NMNAT2: variants seen among roughly 807,000 people sequenced by gnomAD.
NMNAT2 encodes nicotinamide/nicotinic acid mononucleotide adenylyltransferase 2.
In NMNAT2, 11 loss-of-function variants were observed where a neutral mutation model predicts 41.6. The ratio of observed to expected loss-of-function variants is 0.26; its 90% CI spans 0.17 to 0.44. The LOEUF (loss-of-function observed/expected upper bound fraction) is 0.44. Ranked by LOEUF, NMNAT2 falls within the 20% of genes least tolerant of loss-of-function variation. NMNAT2 has a pLI of 1.00. For missense variants in NMNAT2, 288 were observed against 407.7 expected, an observed-to-expected ratio of 0.71 and a Z score of 2.53; for synonymous variants, 148 against 151.2, an observed-to-expected ratio of 0.98 and a Z score of 0.16.
rs1486905632 is a variant in NMNAT2, at chr1:183,265,255, CTTCTTTTTTTTTT to C, written c.652-3965_652-3953del. Among the ~76,000 whole-genome samples the C allele has an allele frequency of 3.6e-4, 43 of 118,898 alleles. No homozygotes were observed. In the South Asian group the frequency reaches 0.012, roughly 33 times the overall value. The allele number at this position is 118,898 out of a possible 152,430, so 78.0% of individuals were successfully genotyped here. A position where few individuals can be genotyped will look rare whatever the true frequency, so the allele number is the denominator to read the frequency against. On this transcript the variant is annotated intron_variant, in intron 8 of 10. Coordinates refer to ENST00000287713, the MANE Select transcript of NMNAT2 (RefSeq NM_015039.4). ...AAATAGAAATTCTCTTCTTCTTCTT[CTTCTTTTTTTTTT>C]TTTTTTTTTTTTTTTTTTGAGACAG...
chr1:183,288,843 CA>C (rs1422577894), intron 4 of NMNAT2, among the ~76,000 whole-genome samples: 2 of 152,206 alleles, frequency 1.3e-5, no homozygotes, highest in African/African-American at 4.8e-5. Context: ...TTGTGGAGAC[CA>C]GCACAGAGGA....
At chr1:183,284,105 G>T in intron 6 of NMNAT2, 66 bp from the exon 7 acceptor site, 1 of 1,410,146 alleles carries the variant, frequency 7.1e-7, no homozygotes, top group Non-Finnish European at 9.8e-7. Flanking sequence ...CACACAGTCT[G>T]CCTGAGGGCC....
intron 1 of NMNAT2, among the ~76,000 whole-genome samples, chr1:183,392,964 T>G (rs1021681378): frequency 2.6e-5 from 4 of 152,194 alleles, no homozygotes; most frequent in African/African-American, 9.6e-5. Flanking sequence ...TTGATTGTCT[T>G]TCTGCCTCCT....
intron 7 of NMNAT2, among the ~76,000 whole-genome samples, chr1:183,282,061 C>T (rs1385302251): frequency 6.6e-6 from 1 of 152,246 alleles, no homozygotes; most frequent in African/African-American, 2.4e-5. Context: ...TGCATGCAGC[C>T]ACCACCTGGA....
intron 1 of NMNAT2, among the ~76,000 whole-genome samples, chr1:183,379,408 T>C (rs1432287515): frequency 6.6e-6 from 1 of 152,072 alleles, no homozygotes; most frequent in African/African-American, 2.4e-5. Context: ...CTTGAACTCC[T>C]GGGCTCAAGC....
At chr1:183,382,121 A>T (rs1338378) in intron 1 of NMNAT2, among the ~76,000 whole-genome samples, 78,514 of 152,176 alleles carry the variant, frequency 0.52, 21,421 homozygotes, top group East Asian at 0.65. Context: ...AGGAAGCCTC[A>T]GGAAACTTAC....
intron 1 of NMNAT2, among the ~76,000 whole-genome samples, chr1:183,391,615 T>C (rs1174296241): frequency 6.6e-6 from 1 of 152,104 alleles, no homozygotes; most frequent in Admixed American, 6.6e-5. Context: ...TTTAGAAAAA[T>C]ACTCCTCAAA....
chr1:183,393,803 G>A (rs941916215), intron 1 of NMNAT2, among the ~76,000 whole-genome samples: 5 of 152,052 alleles, frequency 3.3e-5, no homozygotes, highest in African/African-American at 4.8e-5. Context: ...TAATCCTCCC[G>A]CCTCGGCCTT....
intron 1 of NMNAT2, among the ~76,000 whole-genome samples, chr1:183,412,042 A>G (rs976089631): frequency 5.3e-5 from 8 of 152,192 alleles, no homozygotes; most frequent in African/African-American, 1.9e-4. Context: ...CTAAGAATGA[A>G]GTGGAAGAGA....
At chr1:183,324,895 C>T (rs1254351390) in intron 1 of NMNAT2, among the ~76,000 whole-genome samples, 1 of 152,198 alleles carries the variant, frequency 6.6e-6, no homozygotes, top group Admixed American at 6.5e-5. Context: ...TAGCTCCTGG[C>T]ACTGTGTGTA....
chr1:183,303,937 G>A (rs1459389484), intron 1 of NMNAT2, among the ~76,000 whole-genome samples: 3 of 152,232 alleles, frequency 2.0e-5, no homozygotes, highest in African/African-American at 7.2e-5. Flanking sequence ...AGTCAGCCAT[G>A]CCTAGGCCAG....
chr1:183,290,069 A>G, intron 4 of NMNAT2, 59 bp downstream of exon 4: 1 of 1,398,950 alleles, frequency 7.1e-7, no homozygotes, highest in East Asian at 2.5e-5. Context: ...CTGTGGGTCC[A>G]GCCCCTTCCG....
intron 1 of NMNAT2, among the ~76,000 whole-genome samples, chr1:183,401,775 A>G (rs144582219): frequency 1.3e-5 from 2 of 152,110 alleles, no homozygotes; most frequent in East Asian, 1.9e-4. Context: ...GGGACATGGA[A>G]GAAGCTGGAA....
Position 183,286,736 on chromosome 1 carries a change from A to G in NMNAT2, c.374T>C (p.Val125Ala). Residue 125 changes from valine to alanine, a missense_variant, in exon 5 of 11, where the codon GTG becomes GCG. Physicochemically the swap from Val to Ala is moderately conservative, Grantham distance 64 (BLOSUM62 0). Transcript: ENST00000287713. ...SNVNTPSMTPVIGQPQNETPQ... is the reference protein window; with the variant it reads ...SNVNTPSMTPAIGQPQNETPQ... ...GGTCTCGTTTTGTGGCTGTCCGATC[A>G]CAGGTGTCATGGAAGGTGTGTTGAC... 1 of 1,612,068 alleles carries G rather than the reference A, an allele frequency of 6.2e-7. No homozygotes were observed. The highest frequency in any genetic ancestry group is 1.7e-5 in the Admixed American group (1 of 59,580).
In NMNAT2 at chr1:183,407,322, G is replaced by T. The variant is rs1648985217; in HGVS notation, c.85+10861C>A. On this transcript the variant is annotated intron_variant, in intron 1 of 10. Coordinates refer to ENST00000287713, the MANE Select transcript of NMNAT2 (RefSeq NM_015039.4). ...CATGAGCTTTTCTATATTGAGGCAA[G>T]AATTATCTTGATTTTGAAGTCCCTA... 5.3e-5 allele frequency among the ~76,000 whole-genome samples: 8 copies of T among 152,152 alleles called. No homozygotes were observed. In the South Asian group the frequency reaches 1.2e-3, roughly 24 times the overall value.
chr1:183,311,722 TAC>T (rs61005402), intron 1 of NMNAT2, among the ~76,000 whole-genome samples: 34,415 of 143,676 alleles, frequency 0.24, 4,259 homozygotes, highest in African/African-American at 0.31. Flanking sequence ...GTCCAGTCCC[TAC>T]ACACACACAC....
At position 183,418,099 on chromosome 1, in the gene NMNAT2, C is replaced by T; in HGVS notation, c.85+84G>A. 3.0e-6 allele frequency: 4 copies of T among 1,314,260 alleles called. No homozygotes were observed. In the Admixed American group the frequency reaches 6.9e-5, roughly 23 times the overall value. 81.4% of individuals were successfully genotyped at this position (1,314,260 alleles called of 1,614,324 possible). A position where few individuals can be genotyped will look rare whatever the true frequency, so the allele number is the denominator to read the frequency against. ...ACCCCTCCGAAGGGGCACACGCCTT[C>T]CCGTTCGATCGCCCTGGAAAACACA... On this transcript the variant is annotated intron_variant, in intron 1 of 10. Coordinates refer to ENST00000287713, the MANE Select transcript of NMNAT2 (RefSeq NM_015039.4).
intron 6 of NMNAT2, 37 bp downstream of exon 6, chr1:183,284,673 G>C: frequency 6.5e-7 from 1 of 1,541,318 alleles, no homozygotes; most frequent in Non-Finnish European, 9.0e-7. Flanking sequence ...AGAAAGAAAA[G>C]AGACAGGACT....
intron 10 of NMNAT2, among the ~76,000 whole-genome samples, chr1:183,257,319 T>A (rs557589662): frequency 6.6e-6 from 1 of 152,108 alleles, no homozygotes; most frequent in South Asian, 2.1e-4. Context: ...CAGGCACCTG[T>A]AATCCCAGCT....
Sources: gnomAD v4.1 joint callset for allele counts (sites outside exome capture counted in the v4.1 genomes callset) on GRCh38, gnomAD v4.1.1 for gene constraint, MANE v1.5 for transcripts, NCBI Gene and HGNC (gene_info 2026-07-23, HGNC 2026-07-21) for gene names.